PTPRD: variants seen among roughly 807,000 people sequenced by gnomAD.
PTPRD encodes receptor-type tyrosine-protein phosphatase delta.
A neutral mutation model predicts 214.5 loss-of-function variants in PTPRD; 34 were observed. The observed-to-expected ratio is 0.16, with a 90% CI of 0.12 to 0.21. The LOEUF is 0.21. Among genes scored for constraint, PTPRD ranks in the 10% least tolerant of loss-of-function variants. PTPRD has a pLI of 1.00. For synonymous variants in PTPRD, 1,128 were observed against 845.7 expected (o/e 1.33, Z -5.79); for missense variants, 2,545 against 2,398.7 (o/e 1.06, Z -1.27).
chr9:9,502,387 G>T (rs1237390255), intron 8 of PTPRD, among the ~76,000 whole-genome samples: 1 of 151,736 alleles, frequency 6.6e-6, no homozygotes, highest in Admixed American at 6.6e-5. Flanking sequence ...TCTGTATCTG[G>T]TTTATTCACT....
intron 2 of PTPRD, among the ~76,000 whole-genome samples, chr9:10,418,154 A>G (rs1381532707): frequency 6.6e-6 from 1 of 151,868 alleles, no homozygotes; most frequent in Non-Finnish European, 1.5e-5. Context: ...ATAAAGAAGC[A>G]TAATGGTATA....
chr9:9,641,520 G>A, intron 7 of PTPRD, among the ~76,000 whole-genome samples: 1 of 152,054 alleles, frequency 6.6e-6, no homozygotes, highest in East Asian at 1.9e-4. Flanking sequence ...AGTGTGTCAG[G>A]CCAGATCTCA....
At chr9:10,420,897 C>T (rs949724597) in intron 2 of PTPRD, among the ~76,000 whole-genome samples, 2 of 151,662 alleles carry the variant, frequency 1.3e-5, no homozygotes, top group East Asian at 2.0e-4. Flanking sequence ...AAGACTCCCA[C>T]ATTTTGCTAC....
chr9:8,876,936 A>T (rs4621865), intron 11 of PTPRD, among the ~76,000 whole-genome samples: 45,806 of 148,578 alleles, frequency 0.31, 7,053 homozygotes, highest in Admixed American at 0.4. Context: ...CTTTTTCTTT[A>T]TTTTTTTTTG....
intron 8 of PTPRD, among the ~76,000 whole-genome samples, chr9:9,442,994 C>A (rs966744941): frequency 6.6e-6 from 1 of 152,008 alleles, no homozygotes; most frequent in Admixed American, 6.6e-5. Flanking sequence ...TGTGTATTTG[C>A]TTTTCTTAGT....
In PTPRD at chr9:10,611,463, C is replaced by A. The variant is rs976901998; in HGVS notation, c.-600+935G>T. ...ACACAAAGGTTTTATTTAGATATTA[C>A]AAAATATTGGCAAATGTTAGACTAC... On this transcript the variant is annotated intron_variant, in intron 2 of 45. Coordinates refer to ENST00000381196, the MANE Select transcript of PTPRD (RefSeq NM_002839.4). Among the ~76,000 whole-genome samples the A allele has an allele frequency of 7.2e-5, 11 of 152,240 alleles. No homozygotes were observed. In the East Asian group the frequency reaches 2.1e-3, roughly 29 times the overall value.
chr9:9,431,270 A>C (rs1168646702), intron 8 of PTPRD, among the ~76,000 whole-genome samples: 2 of 152,260 alleles, frequency 1.3e-5, no homozygotes, highest in African/African-American at 2.4e-5. Context: ...TCTCAAAAGA[A>C]GACACTTATG....
chr9:8,872,442 C>T (rs2098317801), intron 11 of PTPRD, among the ~76,000 whole-genome samples: 1 of 152,188 alleles, frequency 6.6e-6, no homozygotes, highest in Admixed American at 6.5e-5. Flanking sequence ...TGTATTATTA[C>T]AATCCTGTGT....
At chr9:9,795,093 T>C (rs1389348262) in intron 5 of PTPRD, among the ~76,000 whole-genome samples, 1 of 152,196 alleles carries the variant, frequency 6.6e-6, no homozygotes, top group Non-Finnish European at 1.5e-5. Context: ...CATGATCATA[T>C]ATGGTTTAAA....
intron 3 of PTPRD, among the ~76,000 whole-genome samples, chr9:10,327,277 C>T (rs750641427): frequency 8.0e-5 from 12 of 150,384 alleles, no homozygotes; most frequent in East Asian, 7.9e-4. Flanking sequence ...AGAGCTAATA[C>T]GAACCCTAAA....
At chr9:9,564,076 T>A (rs1001683529) in intron 8 of PTPRD, among the ~76,000 whole-genome samples, 3 of 152,112 alleles carry the variant, frequency 2.0e-5, no homozygotes, top group Non-Finnish European at 2.9e-5. Flanking sequence ...TGCTTGTGGA[T>A]CATTAGAATA....
chr9:9,274,558 A>C (rs1490218906), intron 9 of PTPRD, among the ~76,000 whole-genome samples: 1 of 151,216 alleles, frequency 6.6e-6, no homozygotes. Flanking sequence ...TGCCACTACC[A>C]ACTTTTTCTA....
chr9:9,359,527 A>G (rs1413316770), intron 9 of PTPRD, among the ~76,000 whole-genome samples: 2 of 151,200 alleles, frequency 1.3e-5, no homozygotes, highest in African/African-American at 4.8e-5. Flanking sequence ...CTAAAGAACA[A>G]TTCTGCAGCA....
intron 7 of PTPRD, among the ~76,000 whole-genome samples, chr9:9,617,222 A>G (rs1174948048): frequency 6.6e-6 from 1 of 152,180 alleles, no homozygotes; most frequent in Non-Finnish European, 1.5e-5. Flanking sequence ...GAGGAACCAG[A>G]ATGGATAAAC....
chr9:9,612,310 C>T (rs1456026434), intron 7 of PTPRD, among the ~76,000 whole-genome samples: 1 of 152,110 alleles, frequency 6.6e-6, no homozygotes, highest in Non-Finnish European at 1.5e-5. Flanking sequence ...TGTGAGTATG[C>T]TTACTGTTCA....
At chr9:9,582,571 C>T (rs56398723) in intron 7 of PTPRD, among the ~76,000 whole-genome samples, 6 of 151,746 alleles carry the variant, frequency 4.0e-5, no homozygotes, top group Non-Finnish European at 4.4e-5. Flanking sequence ...GAGAATAAAA[C>T]GTGGGAGGAA....
chr9:9,679,142 GA>G (rs2097005909), intron 7 of PTPRD, among the ~76,000 whole-genome samples: 2 of 147,126 alleles, frequency 1.4e-5, no homozygotes, highest in Admixed American at 1.4e-4. Flanking sequence ...AAACCTAGAA[GA>G]AAATGAATTC....
At chr9:9,198,229 T>C (rs544070966) in intron 9 of PTPRD, among the ~76,000 whole-genome samples, 18 of 152,270 alleles carry the variant, frequency 1.2e-4, no homozygotes, top group African/African-American at 3.8e-4. Flanking sequence ...CAGTTTTCAC[T>C]GGGAGATTTT....
chr9:9,561,699 A>C (rs923073869), intron 8 of PTPRD, among the ~76,000 whole-genome samples: 1 of 152,222 alleles, frequency 6.6e-6, no homozygotes, highest in Non-Finnish European at 1.5e-5. Context: ...GTACTAATTT[A>C]TAAAACATCC....
Sources: gnomAD v4.1 joint callset for allele counts (sites outside exome capture counted in the v4.1 genomes callset) on GRCh38, gnomAD v4.1.1 for gene constraint, MANE v1.5 for transcripts, NCBI Gene and HGNC (gene_info 2026-07-23, HGNC 2026-07-21) for gene names.